Variants in POMGNT1 observed in about 807,000 individuals in gnomAD.
POMGNT1 encodes the protein protein O-linked-mannose beta-1,2-N-acetylglucosaminyltransferase 1.
In POMGNT1, 67 loss-of-function variants were observed where a neutral mutation model predicts 95.6. The observed-to-expected ratio is 0.70, with a 90% CI of 0.58 to 0.86. The LOEUF (loss-of-function observed/expected upper bound fraction) is 0.86, where lower values mean the gene tolerates loss of function less well. POMGNT1 is among the 40% of genes least tolerant of loss of function. The probability of loss-of-function intolerance (pLI) is 0.00; values close to 1 mark genes in which losing one functional copy is unlikely to be tolerated. For synonymous variants in POMGNT1, 298 were observed against 317.9 expected, an observed-to-expected ratio of 0.94 and a Z score of 0.66; for missense variants, 719 against 855.2, an observed-to-expected ratio of 0.84 and a Z score of 1.99.
In POMGNT1 at chr1:46,196,854, G is replaced by T. The variant is rs559279876; in HGVS notation, c.236-5C>A. 3.7e-6 allele frequency: 6 copies of T among 1,614,186 alleles called. No individual in the cohort carries two copies. The African/African-American group carries it at 4.0e-5, about 11-fold the overall frequency. ...CCAGGCGGCCTAGGGCCTCATCTGT[G>T]GGGTACAACAGGTCATGGAGATAGT... On this transcript the variant is annotated splice_polypyrimidine_tract_variant and splice_region_variant and intron_variant, in intron 3 of 21. Transcript: ENST00000371984. The surrounding 1 kb of genome is among the most constrained non-coding windows in gnomAD (Gnocchi z 4.4).
chr1:46,195,198 G>A (rs745827926), intron 6 of POMGNT1, among the ~76,000 whole-genome samples: 62 of 151,984 alleles, frequency 4.1e-4, no homozygotes, highest in Non-Finnish European at 7.8e-4. Context: ...TCTCTCTCCC[G>A]CCACTCTCTG....
At position 46,194,593 on chromosome 1, in the gene POMGNT1, T is replaced by A. The variant is rs145106490; in HGVS notation, c.711A>T (p.Pro237=). The change falls in exon 8 of 22, where the codon CCA becomes CCT. Residue 237 remains proline, a synonymous_variant. Coordinates refer to ENST00000371984, the MANE Select transcript of POMGNT1 (RefSeq NM_017739.4). ...ATGGCACATCTGTCTTCAGCAGGAC[T>A]GGGTCCCCCCAGGAAGAGAGGGCAG... is the stretch of plus-strand genomic sequence containing the variant. ...KSPALSSWGD[P]VLLKTDVPLS... The A allele has an allele frequency of 1.2e-6, 2 of 1,614,176 alleles. No individual in the cohort carries two copies. Among genetic ancestry groups the A allele is most frequent in the Non-Finnish European group, 1.7e-6 (2 of 1,180,030 alleles).
chr1:46,202,920 G>GTGTGTGTGTGTGTGTGTGT (rs540959987), upstream of POMGNT1, among the ~76,000 whole-genome samples: 1 of 64,516 alleles, frequency 1.6e-5, no homozygotes, highest in African/African-American at 6.6e-5. Context: ...GGGGGGGGGT[G>GTGTGTGTGTGTGTGTGTGT]GTGTGTGTGT....
rs746638187 is a variant in POMGNT1 at position 46,194,946 on chromosome 1, G to A, written c.550C>T (p.His184Tyr). 55 of 1,614,022 alleles carry A rather than the reference G, an allele frequency of 3.4e-5. No individual in the cohort carries two copies. The highest frequency in any genetic ancestry group is 4.2e-5 in the Non-Finnish European group (50 of 1,180,054). The change falls in exon 7 of 22, where the codon CAC (histidine) becomes TAC (tyrosine). Residue 184 changes from histidine to tyrosine, a missense_variant. Physicochemically the swap from His to Tyr is moderately conservative, Grantham distance 83. Transcript: ENST00000371984. ...ICTVKDEGSF[H>Y]LKDTAKALLR... ...AGAGCCTTGGCTGTGTCCTTGAGGT[G>A]GAAGGAGCCCTCATCCTGGGGGACC...
chr1:46,194,408 G>A lies in POMGNT1; in HGVS notation c.752-7C>T, dbSNP rs767387934. The A allele has an allele frequency of 3.5e-5, 57 of 1,614,100 alleles. 1 individual carries two copies. Among genetic ancestry groups the A allele is most frequent in the Non-Finnish European group, 4.7e-5 (56 of 1,180,030 alleles). On this transcript the variant is annotated splice_polypyrimidine_tract_variant and splice_region_variant and intron_variant, in intron 8 of 21. Coordinates refer to ENST00000371984, the MANE Select transcript of POMGNT1 (RefSeq NM_017739.4). ...GCCCAGTGGCACTCTGCCTCTGAGGGAAGGATGCGGTTGTCATGGAGGCAT... is the reference window on the plus strand; with the variant it reads ...GCCCAGTGGCACTCTGCCTCTGAGGAAAGGATGCGGTTGTCATGGAGGCAT...
intron 1 of POMGNT1, among the ~76,000 whole-genome samples, chr1:46,212,411 G>A (rs147785247): frequency 3.8e-4 from 58 of 151,814 alleles, no homozygotes; most frequent in Non-Finnish European, 7.4e-4. Context: ...CTCCCCAGCA[G>A]CTGGGACTAC....
Position 46,195,840 on chromosome 1 carries a change from G to A in POMGNT1, c.505C>T (p.Pro169Ser), listed in dbSNP as rs1204451931. 10 of 1,606,660 alleles carry A rather than the reference G, an allele frequency of 6.2e-6. No homozygotes were observed. Among genetic ancestry groups the A allele is most frequent in the Non-Finnish European group, 8.5e-6 (10 of 1,176,162 alleles). Residue 169 changes from proline (P) to serine (S), a missense_variant, in exon 6 of 22, where the codon CCC (proline) becomes TCC (serine). Pro to Ser is a moderately conservative substitution (Grantham distance 74, BLOSUM62 -1). Coordinates refer to ENST00000371984, the MANE Select transcript of POMGNT1 (RefSeq NM_017739.4). ...ACAGTGCAGATGAGCACTCGGCCGG[G>A]CGCTACCATGTTGAGGAATAGCACC... is the stretch of plus-strand genomic sequence containing the variant. Reference protein sequence around the residue: ...AMVLFLNMVAPGRVLICTVKD... With the variant: ...AMVLFLNMVASGRVLICTVKD...
intron 1 of POMGNT1, among the ~76,000 whole-genome samples, chr1:46,211,144 A>G (rs544443717): frequency 5.3e-4 from 81 of 152,180 alleles, no homozygotes; most frequent in African/African-American, 1.9e-3. Flanking sequence ...CCATATCAAA[A>G]TGTTATTGGA....
Position 46,194,004 on chromosome 1 carries a change from T to A in POMGNT1, c.880-79A>T, listed in dbSNP as rs1658007366. 2.5e-6 allele frequency: 4 copies of A among 1,588,376 alleles called. No individual in the cohort carries two copies. The African/African-American group carries it at 4.0e-5, about 16-fold the overall frequency. On this transcript the variant is annotated intron_variant, in intron 9 of 21. Transcript: ENST00000371984. ...CCCCACCTAGGGAAGACTTCTCAGG[T>A]GAGGGTAGGTGCAGACTGGAGTAGA...
At chr1:46,214,648 C>T (rs775354965) in intron 1 of POMGNT1, among the ~76,000 whole-genome samples, 2 of 151,196 alleles carry the variant, frequency 1.3e-5, no homozygotes, top group Non-Finnish European at 3.0e-5. Flanking sequence ...AGTGGATCAC[C>T]TGAGGTCAGG....
intron 19 of POMGNT1, 104 bp from the exon 20 acceptor site, chr1:46,190,093 AG>A: frequency 1.9e-5 from 21 of 1,122,916 alleles, no homozygotes; most frequent in South Asian, 3.0e-5. Context: ...GCCACCTTGA[AG>A]TTCTTTTTTT....
intron 20 of POMGNT1, 29 bp downstream of exon 20, chr1:46,189,825 T>TC: frequency 6.2e-7 from 1 of 1,613,088 alleles, no homozygotes; most frequent in Non-Finnish European, 8.5e-7. Flanking sequence ...GGGGAGGGGT[T>TC]CTCCAGGGTG....
Position 46,189,911 on chromosome 1 carries a change from C to G in POMGNT1, c.1728G>C (p.Val576=). 6.2e-7 allele frequency: 1 copy of G among 1,614,078 alleles called. No homozygotes were observed. Among genetic ancestry groups the G allele is most frequent in the Non-Finnish European group, 8.5e-7 (1 of 1,180,022 alleles). Residue 576 remains valine (V), a synonymous_variant, in exon 20 of 22, where the codon GTG becomes GTC. Transcript: ENST00000371984. Reference sequence around the variant, plus strand: ...CATCTTTCTCCATTCGAATAAAGGCCACGTAGGTGTGGCCCTCTGTGTCTG... The same window carrying G: ...CATCTTTCTCCATTCGAATAAAGGCGACGTAGGTGTGGCCCTCTGTGTCTG... ...FLPDTEGHTY[V]AFIRMEKDDD... is the part of the protein sequence containing the mutation.
At chr1:46,207,292 G>C (rs1462514455) in intron 1 of POMGNT1, among the ~76,000 whole-genome samples, 5 of 152,070 alleles carry the variant, frequency 3.3e-5, no homozygotes, top group Non-Finnish European at 7.4e-5. Context: ...TGTTGGCCAG[G>C]CTGGTTTCGA....
At chr1:46,202,916 G>GT (rs937190555), upstream of POMGNT1, among the ~76,000 whole-genome samples, 26 of 95,764 alleles carry the variant, frequency 2.7e-4, 4 homozygotes, top group South Asian at 9.7e-3. Flanking sequence ...TGGGGGGGGG[G>GT]GGTGGTGTGT....
chr1:46,193,190 G>A lies in POMGNT1; in HGVS notation c.1136C>T (p.Thr379Ile), dbSNP rs765179830. Residue 379 changes from threonine (T) to isoleucine (I), a missense_variant, in exon 13 of 22, where the codon ACT becomes ATT. Physicochemically the swap from Thr to Ile is moderately conservative, Grantham distance 89. Around this residue, in one of 5 missense-constraint regions of POMGNT1, gnomAD observed 466 missense variants for 517.4 expected, o/e 0.90. Coordinates refer to ENST00000371984, the MANE Select transcript of POMGNT1 (RefSeq NM_017739.4). ...AGTACTCACCGGAAACAGGTTGAAA[G>A]TGGCAGTGAGGCTGGCCTTGTAGTG... Reference protein sequence around the residue: ...SQHYKASLTATFNLFPEAKFA... With the variant: ...SQHYKASLTAIFNLFPEAKFA... 1 of 1,614,122 alleles carries A rather than the reference G, an allele frequency of 6.2e-7. No homozygotes were observed.
upstream of POMGNT1, among the ~76,000 whole-genome samples, chr1:46,202,335 T>C (rs534036580): frequency 2.0e-4 from 31 of 152,086 alleles, no homozygotes; most frequent in Middle Eastern, 3.4e-3. Context: ...TTACTCAAAG[T>C]GTGGTCCCTT....
In POMGNT1 at chr1:46,192,509, C is replaced by G. The variant is rs565797493; in HGVS notation, c.1284+9G>C. 68 of 1,614,148 alleles carry G rather than the reference C, an allele frequency of 4.2e-5. 1 individual carries two copies. The African/African-American group carries it at 7.1e-4, about 17-fold the overall frequency. On this transcript the variant is annotated intron_variant, in intron 15 of 21. Coordinates refer to ENST00000371984, the MANE Select transcript of POMGNT1 (RefSeq NM_017739.4). ...ACTCGCCTGCTAAACCCTGGTCATTCCAGCCTACCTGGTCATTCCAGGCAG... is the reference window on the plus strand; with the variant it reads ...ACTCGCCTGCTAAACCCTGGTCATTGCAGCCTACCTGGTCATTCCAGGCAG...
At chr1:46,207,646 C>A (rs112555212) in intron 1 of POMGNT1, among the ~76,000 whole-genome samples, 1 of 151,694 alleles carries the variant, frequency 6.6e-6, no homozygotes, top group African/African-American at 2.4e-5. Context: ...TCAGCCCATT[C>A]TCCTGCCTCA....
Sources: gnomAD v4.1 joint callset for allele counts (sites outside exome capture counted in the v4.1 genomes callset) on GRCh38, gnomAD v4.1.1 for gene constraint, gnomAD v4.1.1 regional missense constraint, Gnocchi (gnomAD v3.1) non-coding constraint, MANE v1.5 for transcripts, NCBI Gene and HGNC (gene_info 2026-07-23, HGNC 2026-07-21) for gene names.